The following RUNX1T1 variants were observed in gnomAD, a reference collection of about 807,000 sequenced individuals.
RUNX1T1 encodes protein CBFA2T1.
RUNX1T1 carries 4 observed loss-of-function variants against 62.8 expected under a neutral mutation model. The ratio of observed to expected loss-of-function variants is 0.06; its 90% CI spans 0.03 to 0.15. The LOEUF is 0.15. Ranked by LOEUF, RUNX1T1 falls within the 10% of genes least tolerant of loss-of-function variation. RUNX1T1 has a pLI of 1.00. For synonymous variants in RUNX1T1, 291 were observed against 286.0 expected (o/e 1.02, Z -0.18); for missense variants, 508 against 754.3 (o/e 0.67, Z 3.82).
chr8:92,044,455 G>A (rs1184004695), intron 1 of RUNX1T1, among the ~76,000 whole-genome samples: 2 of 152,100 alleles, frequency 1.3e-5, no homozygotes, highest in East Asian at 3.9e-4. Context: ...AGACCAAGAG[G>A]GTATAAGTCT....
chr8:92,075,822 A>C, intron 2 of RUNX1T1, 143 bp downstream of exon 2: 1 of 713,426 alleles, frequency 1.4e-6, no homozygotes, highest in Admixed American at 3.3e-5. Context: ...TCAAAGACAA[A>C]TGTTTAAAAC....
intron 10 of RUNX1T1, among the ~76,000 whole-genome samples, chr8:91,961,343 T>C (rs1810406557): frequency 6.6e-6 from 1 of 152,246 alleles, no homozygotes; most frequent in Admixed American, 6.5e-5. Flanking sequence ...CACACAGTTC[T>C]TTCCAGCCAA....
chr8:92,078,685 A>G (rs184922249), intron 1 of RUNX1T1, among the ~76,000 whole-genome samples: 1 of 152,236 alleles, frequency 6.6e-6, no homozygotes, highest in South Asian at 2.1e-4. Context: ...TCCGTGCAGT[A>G]GTTCAAGCTG....
chr8:91,982,609 A>G (rs1164594545), intron 8 of RUNX1T1, among the ~76,000 whole-genome samples: 1 of 152,238 alleles, frequency 6.6e-6, no homozygotes, highest in East Asian at 1.9e-4. Flanking sequence ...CATACCATGT[A>G]ATAAAACTTA....
At chr8:92,095,222 T>C (rs1282542469) in intron 1 of RUNX1T1, 6 of 1,533,460 alleles carry the variant, frequency 3.9e-6, no homozygotes, top group Admixed American at 2.0e-5. Flanking sequence ...CCTGGTCTTA[T>C]CGACTTCTGA....
In RUNX1T1 at chr8:92,032,978, T is replaced by A. The variant is rs1410458804; in HGVS notation, c.8-15615A>T. Among the ~76,000 whole-genome samples, 132 of 152,328 alleles carry A rather than the reference T, an allele frequency of 8.7e-4. 1 individual carries two copies. The highest frequency in any genetic ancestry group is 1.9e-4 in the Non-Finnish European group (13 of 68,030). On this transcript the variant is annotated intron_variant, in intron 1 of 10. Transcript: ENST00000396218. ...TTCATCCAACAAAATGATAGTTTTT[T>A]AATTATAATATGGTATTAGAGTATA...
At chr8:91,968,171 A>G (rs1194472168) in intron 10 of RUNX1T1, among the ~76,000 whole-genome samples, 2 of 152,072 alleles carry the variant, frequency 1.3e-5, no homozygotes, top group East Asian at 3.9e-4. Context: ...TGCCACACGT[A>G]TCTGCCTCCG....
At chr8:92,095,312 C>T in intron 1 of RUNX1T1, 1 of 1,526,426 alleles carries the variant, frequency 6.6e-7, no homozygotes, top group South Asian at 1.2e-5. Flanking sequence ...CTCCTTCCTC[C>T]CTGCTCGCCT....
At chr8:91,991,482 C>T (rs1817666711) in intron 6 of RUNX1T1, among the ~76,000 whole-genome samples, 157 bp downstream of exon 7, 1 of 151,978 alleles carries the variant, frequency 6.6e-6, no homozygotes. Flanking sequence ...TCTATTAATA[C>T]CAATCAAGTT....
rs970922492 is a variant in RUNX1T1 at position 91,964,027 on chromosome 8, GA to G, written c.1459-3511del. 1.3e-4 allele frequency among the ~76,000 whole-genome samples: 20 copies of G among 152,198 alleles called. No individual in the cohort carries two copies. In the South Asian group the frequency reaches 1.9e-3, roughly 14 times the overall value. On this transcript the variant is annotated intron_variant, in intron 10 of 10. Transcript: ENST00000396218. Reference sequence around the variant, plus strand: ...ATTTTCCTCCCTATCTGAAAAGTAAGAATAAGTCAATTGACCAAAGTTAGGT... The same window carrying G: ...ATTTTCCTCCCTATCTGAAAAGTAAGATAAGTCAATTGACCAAAGTTAGGT...
chr8:91,959,142 G>T, exon 11 of RUNX1T1: 1 of 217,252 alleles, frequency 4.6e-6, no homozygotes, highest in African/African-American at 2.2e-5. Context: ...AAACCTCACA[G>T]GACAGAAGTG....
chr8:92,012,521 T>C (rs1280730182), intron 3 of RUNX1T1, among the ~76,000 whole-genome samples: 1 of 151,898 alleles, frequency 6.6e-6, no homozygotes, highest in Non-Finnish European at 1.5e-5. Flanking sequence ...AGAACGGGTA[T>C]GGGTGACAGA....
intron 4 of RUNX1T1, among the ~76,000 whole-genome samples, chr8:92,007,228 G>A (rs1363623485): frequency 3.3e-5 from 5 of 152,190 alleles, no homozygotes; most frequent in Admixed American, 6.5e-5. Context: ...CACTTCCAGA[G>A]GCTGAGGTGG....
At position 92,075,952 on chromosome 8, in the gene RUNX1T1, GTC is replaced by G; in HGVS notation, c.88+11_88+12del. 1 of 1,596,694 alleles carries G rather than the reference GTC, an allele frequency of 6.3e-7. No individual in the cohort carries two copies. Among genetic ancestry groups the G allele is most frequent in the Non-Finnish European group, 8.5e-7 (1 of 1,174,094 alleles). The stretch of plus-strand genomic sequence containing the variant: ...AGTAAATTGCAAAATCAAAATATTT[GTC>G]TGTTCCTTACCTTGACAATATTCAA... On this transcript the variant is annotated intron_variant, in intron 2 of 11. Transcript: ENST00000265814.
At chr8:92,095,373 G>A (rs545132108) in intron 1 of RUNX1T1, 1 of 1,535,330 alleles carries the variant, frequency 6.5e-7, no homozygotes, top group Non-Finnish European at 8.7e-7. Flanking sequence ...GCGGGAGAGC[G>A]GCCGCGGCCG....
intron 5 of RUNX1T1, among the ~76,000 whole-genome samples, chr8:92,002,648 G>A (rs1819991896): frequency 6.6e-6 from 1 of 151,994 alleles, no homozygotes; most frequent in Non-Finnish European, 1.5e-5. Context: ...CCCTCTTTTA[G>A]TGACTGATGG....
intron 1 of RUNX1T1, among the ~76,000 whole-genome samples, chr8:92,046,810 C>A (rs4477079): frequency 6.6e-6 from 1 of 152,064 alleles, no homozygotes; most frequent in Non-Finnish European, 1.5e-5. Context: ...TTGACTAGCA[C>A]TACATAGAAC....
chr8:92,023,886 T>A (rs532162037), intron 1 of RUNX1T1, among the ~76,000 whole-genome samples: 1 of 152,282 alleles, frequency 6.6e-6, no homozygotes, highest in African/African-American at 2.4e-5. Flanking sequence ...ATAGGCAGTA[T>A]CAGTCCTTCT....
At chr8:91,955,962 C>A (rs954503146), downstream of RUNX1T1, 1 of 229,782 alleles carries the variant, frequency 4.4e-6, no homozygotes, top group East Asian at 6.2e-5. Flanking sequence ...AACTACATAA[C>A]CAAGAGTGAC....
Sources: allele counts gnomAD v4.1 joint callset (sites outside exome capture counted in the v4.1 genomes callset), GRCh38; gene constraint gnomAD v4.1.1; transcripts MANE v1.5; gene names NCBI Gene and HGNC (gene_info 2026-07-23, HGNC 2026-07-21).